IFT80: variants seen among roughly 807,000 people sequenced by gnomAD.
The protein encoded by IFT80 is intraflagellar transport 80.
In IFT80, 79 loss-of-function variants were observed where a neutral mutation model predicts 107.9. The observed-to-expected ratio is 0.73, with a 90% CI of 0.61 to 0.88. IFT80 has a LOEUF of 0.88. Among genes scored for constraint, IFT80 ranks in the 40% least tolerant of loss-of-function variants. The probability of loss-of-function intolerance (pLI) is 0.00; values close to 1 mark genes in which losing one functional copy is unlikely to be tolerated. For synonymous variants in IFT80, 299 were observed against 300.9 expected, an observed-to-expected ratio of 0.99 and a Z score of 0.07; for missense variants, 797 against 914.2, an observed-to-expected ratio of 0.87 and a Z score of 1.65.
At chr3:160,298,454 T>C (rs1716159436) in intron 12 of IFT80, among the ~76,000 whole-genome samples, 1 of 152,144 alleles carries the variant, frequency 6.6e-6, no homozygotes, top group Non-Finnish European at 1.5e-5. Context: ...CTTACATAAG[T>C]AAAACAGATA....
intron 8 of IFT80, among the ~76,000 whole-genome samples, chr3:160,332,345 G>C (rs77128960): frequency 1.1e-3 from 167 of 152,298 alleles, no homozygotes; most frequent in African/African-American, 3.9e-3. Flanking sequence ...AGCAGGTGGG[G>C]AGCAAAAGAG....
At chr3:160,321,385 ATCTC>A (rs1019715840) in intron 8 of IFT80, among the ~76,000 whole-genome samples, 9 of 151,864 alleles carry the variant, frequency 5.9e-5, no homozygotes, top group South Asian at 2.1e-4. Flanking sequence ...GGCTTATGGC[ATCTC>A]TCTCTCTCTT....
chr3:160,350,708 G>A (rs1720632597), intron 8 of IFT80, among the ~76,000 whole-genome samples: 1 of 151,926 alleles, frequency 6.6e-6, no homozygotes, highest in Admixed American at 6.6e-5. Flanking sequence ...CCAGTTACTT[G>A]TGAGGCTGGA....
chr3:160,277,469 C>G lies in IFT80; in HGVS notation c.1936G>C (p.Val646Leu), dbSNP rs752617502. Residue 646 changes from valine (V) to leucine (L), a missense_variant, in exon 18 of 20, where the codon GTT (valine) becomes CTT (leucine). Transcript: ENST00000326448. The stretch of plus-strand genomic sequence containing the variant: ...TTTTTTATAGAATTGATGTACTGAA[C>G]CTTATCAATCTAAAAAAGAAAAGAA... Reference protein sequence around the residue: ...AYAAIGEIDKVQYINSIKNLP... With the variant: ...AYAAIGEIDKLQYINSIKNLP... The G allele has an allele frequency of 1.3e-5, 21 of 1,602,740 alleles. No individual in the cohort carries two copies. The Admixed American group carries it at 3.3e-4, about 26-fold the overall frequency.
At chr3:160,265,979 G>C (rs994342375) in intron 19 of IFT80, among the ~76,000 whole-genome samples, 1 of 152,134 alleles carries the variant, frequency 6.6e-6, no homozygotes, top group Non-Finnish European at 1.5e-5. Context: ...ATATCCCCAA[G>C]AGCTATTTTC....
intron 13 of IFT80, among the ~76,000 whole-genome samples, chr3:160,285,555 T>G (rs905975469): frequency 6.6e-6 from 1 of 152,212 alleles, no homozygotes; most frequent in Non-Finnish European, 1.5e-5. Context: ...AGTGAAGAGT[T>G]TGACAACAGA....
At position 160,258,390 on chromosome 3, in the gene IFT80, T is replaced by C; in HGVS notation, c.*135A>G. On this transcript the variant is annotated 3_prime_UTR_variant, in exon 20 of 20. Coordinates refer to ENST00000326448, the MANE Select transcript of IFT80 (RefSeq NM_020800.3). The stretch of plus-strand genomic sequence containing the variant: ...GTGTTTCATCTTTCTGCATGTACTT[T>C]TACACTAAATACACAGCAAGTACTT... 1.9e-6 allele frequency: 2 copies of C among 1,067,492 alleles called. No individual in the cohort carries two copies. Among genetic ancestry groups the C allele is most frequent in the Non-Finnish European group, 2.7e-6 (2 of 731,852 alleles). 66.1% of individuals were successfully genotyped at this position (1,067,492 alleles called of 1,614,324 possible).
At chr3:160,290,989 T>C (rs1715509835) in intron 12 of IFT80, among the ~76,000 whole-genome samples, 1 of 152,212 alleles carries the variant, frequency 6.6e-6, no homozygotes, top group African/African-American at 2.4e-5. Flanking sequence ...AAATCCACCC[T>C]TTAAGCAATA....
chr3:160,384,074 G>C (rs879680916), intron 2 of IFT80: 30 of 307,552 alleles, frequency 9.8e-5, no homozygotes, highest in Non-Finnish European at 1.3e-4. Flanking sequence ...GTGAAACCCC[G>C]TCTCTACTAA....
intron 18 of IFT80, among the ~76,000 whole-genome samples, chr3:160,273,532 A>G (rs916696144): frequency 6.6e-6 from 1 of 152,178 alleles, no homozygotes; most frequent in African/African-American, 2.4e-5. Flanking sequence ...GAAGGTGAGG[A>G]AAATGTTAAA....
At chr3:160,396,223 T>G (rs1029713310) in intron 1 of IFT80, among the ~76,000 whole-genome samples, 17 of 152,256 alleles carry the variant, frequency 1.1e-4, no homozygotes, top group African/African-American at 3.6e-4. Context: ...TTCGGTAACA[T>G]TAATATACCA....
intron 1 of IFT80, chr3:160,394,177 C>A (rs1262621919): frequency 6.6e-6 from 1 of 152,282 alleles, no homozygotes; most frequent in Non-Finnish European, 1.5e-5. Context: ...GACTCAAAGG[C>A]TTAGCCACAG....
chr3:160,304,346 G>A (rs1427271182), intron 10 of IFT80, among the ~76,000 whole-genome samples: 1 of 151,924 alleles, frequency 6.6e-6, no homozygotes, highest in Non-Finnish European at 1.5e-5. Context: ...AACAGTAGCA[G>A]CATGGCATAA....
chr3:160,361,789 C>T (rs377364696), intron 6 of IFT80, among the ~76,000 whole-genome samples: 3 of 151,962 alleles, frequency 2.0e-5, no homozygotes, highest in South Asian at 2.1e-4. Context: ...GGGTACATAA[C>T]GAAATGAAGG....
rs574711092 is a variant in IFT80 at position 160,282,684 on chromosome 3, T to C, written c.1381-71A>G. On this transcript the variant is annotated intron_variant, in intron 13 of 19. Coordinates refer to ENST00000326448, the MANE Select transcript of IFT80 (RefSeq NM_020800.3). ...GACATAAGATCATTTTAATTAATTA[T>C]AAAATCATTTCCTTTAAGATCAATT... is the stretch of plus-strand genomic sequence containing the variant. The C allele has an allele frequency of 1.1e-3, 948 of 890,520 alleles. 14 individuals are homozygous for C. Among genetic ancestry groups the C allele is most frequent in the South Asian group, 8.6e-3 (553 of 64,120 alleles). The allele number at this position is 890,520 out of a possible 1,614,324, so 55.2% of individuals were successfully genotyped here. A position where few individuals can be genotyped will look rare whatever the true frequency, so the allele number is the denominator to read the frequency against.
intron 12 of IFT80, among the ~76,000 whole-genome samples, chr3:160,300,407 G>A (rs1716332829): frequency 2.0e-5 from 3 of 152,000 alleles, no homozygotes; most frequent in East Asian, 3.9e-4. Flanking sequence ...ATGTGGCCTA[G>A]ATTTTTAAAC....
chr3:160,329,015 G>T (rs545565298), intron 8 of IFT80, among the ~76,000 whole-genome samples: 1 of 152,130 alleles, frequency 6.6e-6, no homozygotes, highest in Admixed American at 6.6e-5. Context: ...TGGGAGGGAG[G>T]AGAGGATCAA....
intron 8 of IFT80, among the ~76,000 whole-genome samples, chr3:160,339,289 T>C (rs1464620015): frequency 6.6e-6 from 1 of 152,176 alleles, no homozygotes; most frequent in Non-Finnish European, 1.5e-5. Context: ...TAAGAGTATT[T>C]TGAGACTACA....
intron 1 of IFT80, among the ~76,000 whole-genome samples, chr3:160,393,726 A>G (rs1349302160): frequency 6.6e-6 from 1 of 152,222 alleles, no homozygotes; most frequent in East Asian, 1.9e-4. Context: ...AAGAGGTAAA[A>G]GCACTAACAA....
Sources: gnomAD v4.1 joint callset for allele counts (sites outside exome capture counted in the v4.1 genomes callset) on GRCh38, gnomAD v4.1.1 for gene constraint, MANE v1.5 for transcripts, NCBI Gene and HGNC (gene_info 2026-07-23, HGNC 2026-07-21) for gene names.